Variants in EXPH5 observed in about 807,000 individuals in gnomAD.
The protein encoded by EXPH5 is exophilin-5.
In EXPH5, 42 loss-of-function variants were observed where a neutral mutation model predicts 41.1. That is an observed-to-expected ratio of 1.02 (90% CI 0.80 to 1.32). The LOEUF (loss-of-function observed/expected upper bound fraction) is 1.32. Among genes scored for constraint, EXPH5 ranks in the 40% most tolerant of loss-of-function variants. The probability of loss-of-function intolerance (pLI) is 0.00; values close to 1 mark genes in which losing one functional copy is unlikely to be tolerated. For missense variants in EXPH5, 2,298 were observed against 2,314.5 expected, an observed-to-expected ratio of 0.99 and a Z score of 0.15; for synonymous variants, 798 against 833.5, an observed-to-expected ratio of 0.96 and a Z score of 0.73.
chr11:108,579,145 C>G (rs1364650408), intron 1 of EXPH5, among the ~76,000 whole-genome samples: 2 of 151,512 alleles, frequency 1.3e-5, no homozygotes, highest in East Asian at 3.9e-4. Context: ...TGGGTCTGTC[C>G]TATATTGCTT....
chr11:108,515,800 C>T (rs576511941), intron 5 of EXPH5, among the ~76,000 whole-genome samples: 45 of 152,250 alleles, frequency 3.0e-4, no homozygotes, highest in African/African-American at 1.0e-3. Flanking sequence ...GGGCCGGGCA[C>T]GGTGGCTCAT....
At chr11:108,540,425 T>C (rs1004769500) in intron 2 of EXPH5, among the ~76,000 whole-genome samples, 8 of 152,148 alleles carry the variant, frequency 5.3e-5, no homozygotes, top group Non-Finnish European at 5.9e-5. Flanking sequence ...AAGGGAAAAG[T>C]CATCAGGGTA....
chr11:108,605,778 A>T, the EXPH5 span, among the ~76,000 whole-genome samples: 20 of 152,350 alleles, frequency 1.3e-4, 1 homozygote, highest in South Asian at 4.1e-3. Flanking sequence ...ATGATGAATC[A>T]TTCTGAAAAG....
chr11:108,581,722 G>C (rs1337563801), intron 1 of EXPH5, among the ~76,000 whole-genome samples: 1 of 151,970 alleles, frequency 6.6e-6, no homozygotes, highest in East Asian at 1.9e-4. Context: ...CAGGTCCTTT[G>C]AAAACATCAA....
In EXPH5 at chr11:108,520,064, G is replaced by A. The variant is rs114326342; in HGVS notation, c.493-1691C>T. Among the ~76,000 whole-genome samples the A allele has an allele frequency of 2.5e-3, 373 of 152,044 alleles. 2 individuals carry two copies. Among genetic ancestry groups the A allele is most frequent in the African/African-American group, 8.1e-3 (335 of 41,468 alleles). ...GTCCCTGACCCCTGGGCCACAGACC[G>A]GTACTGGTCTGTGGTATGTTAGAAA... On this transcript the variant is annotated intron_variant, in intron 4 of 5. Transcript: ENST00000265843.
intron 1 of EXPH5, among the ~76,000 whole-genome samples, chr11:108,572,562 GATTT>G (rs2094064280): frequency 6.6e-6 from 1 of 152,112 alleles, no homozygotes; most frequent in East Asian, 1.9e-4. Context: ...TTTAGTTATT[GATTT>G]ATTTATTTTG....
At chr11:108,522,119 T>C (rs1053360836) in intron 4 of EXPH5, among the ~76,000 whole-genome samples, 1 of 152,170 alleles carries the variant, frequency 6.6e-6, no homozygotes. Flanking sequence ...ATGTAAATTA[T>C]ATACCTAGCA....
upstream of EXPH5, among the ~76,000 whole-genome samples, chr11:108,595,518 C>T (rs1305747104): frequency 1.1e-4 from 16 of 152,146 alleles, no homozygotes; most frequent in Admixed American, 7.2e-4. Flanking sequence ...AATGGCCAGA[C>T]TGAACAAAAG....
chr11:108,511,703 A>C lies in EXPH5; in HGVS notation c.3804T>G (p.Leu1268=), dbSNP rs749322182. The C allele has an allele frequency of 6.2e-7, 1 of 1,608,130 alleles. No homozygotes were observed. The highest frequency in any genetic ancestry group is 1.7e-5 in the Admixed American group (1 of 58,400). The change falls in exon 6 of 6, where the codon CTT becomes CTG. Residue 1268 remains leucine, a synonymous_variant. Coordinates refer to ENST00000265843, the MANE Select transcript of EXPH5 (RefSeq NM_015065.3). ...RKPSKKFCNL[L]QQYTQNTNLL... ...AATTAGTATTTTGTGTATACTGTTG[A>C]AGGAGGTTACAGAATTTTTTGCTGG...
At position 108,593,752 on chromosome 11, in the gene EXPH5, A is replaced by T; in HGVS notation, c.-216T>A. 1 of 1,536,030 alleles carries T rather than the reference A, an allele frequency of 6.5e-7. No homozygotes were observed. On this transcript the variant is annotated 5_prime_UTR_variant, in exon 1 of 6. Transcript: ENST00000265843. ...ATGACATGTTTCTCTCAACCTGTCC[A>T]ACCGAGATGCAAAGTGAACGGCTAA...
Position 108,512,577 on chromosome 11 carries a change from C to T in EXPH5, c.2930G>A (p.Arg977Lys), listed in dbSNP as rs2093690190. 3.1e-6 allele frequency: 5 copies of T among 1,612,264 alleles called. No homozygotes were observed. The East Asian group carries it at 1.1e-4, about 36-fold the overall frequency. ...FRNERGKGKI[R>K]HHISCIEKLS... is the part of the protein sequence containing the mutation. ...CTTTTCAATACAGGATATATGATGC[C>T]TTATTTTTCCTTTTCCTCTTTCATT... The change falls in exon 6 of 6, where the codon AGG becomes AAG. Residue 977 changes from arginine to lysine, a missense_variant. Transcript: ENST00000265843.
chr11:108,562,917 A>G (rs191478868), intron 1 of EXPH5, among the ~76,000 whole-genome samples: 1 of 152,368 alleles, frequency 6.6e-6, no homozygotes, highest in East Asian at 1.9e-4. Context: ...CAGTAGTCAC[A>G]GGACTAGGAC....
chr11:108,531,315 G>A (rs1356905547), intron 3 of EXPH5, among the ~76,000 whole-genome samples: 2 of 152,176 alleles, frequency 1.3e-5, no homozygotes, highest in Non-Finnish European at 2.9e-5. Flanking sequence ...CATGAGGCCC[G>A]GCGCAGTGGC....
chr11:108,564,716 G>A (rs1298773503), intron 1 of EXPH5, among the ~76,000 whole-genome samples: 1 of 151,964 alleles, frequency 6.6e-6, no homozygotes, highest in African/African-American at 2.4e-5. Context: ...CCTGGAAAAA[G>A]GTTGTATCAA....
chr11:108,534,786 A>T (rs1168971482), intron 3 of EXPH5, among the ~76,000 whole-genome samples: 2 of 152,142 alleles, frequency 1.3e-5, no homozygotes, highest in Non-Finnish European at 2.9e-5. Flanking sequence ...TCCCTGTGTG[A>T]ATTCTAAAGG....
At chr11:108,531,338 TC>T (rs1403514505) in intron 3 of EXPH5, among the ~76,000 whole-genome samples, 1 of 152,206 alleles carries the variant, frequency 6.6e-6, no homozygotes, top group Non-Finnish European at 1.5e-5. Context: ...ACGCCTGTAA[TC>T]CCAGCTGAGG....
intron 4 of EXPH5, among the ~76,000 whole-genome samples, chr11:108,519,760 A>G (rs2093752361): frequency 6.7e-6 from 1 of 150,204 alleles, no homozygotes; most frequent in Non-Finnish European, 1.5e-5. Flanking sequence ...AAAAAAAGAA[A>G]AAAAGAAAAA....
intron 1 of EXPH5, among the ~76,000 whole-genome samples, chr11:108,555,938 G>A (rs540466728): frequency 3.3e-5 from 5 of 152,098 alleles, no homozygotes; most frequent in Non-Finnish European, 7.3e-5. Context: ...GAGAACGGAC[G>A]TATACAAGCC....
chr11:108,547,977 C>T (rs1027135332), intron 1 of EXPH5, among the ~76,000 whole-genome samples: 7 of 151,854 alleles, frequency 4.6e-5, no homozygotes, highest in Non-Finnish European at 8.8e-5. Flanking sequence ...GGCTTGGTGG[C>T]GGGTGCCTGT....
Sources: gnomAD v4.1 joint callset for allele counts (sites outside exome capture counted in the v4.1 genomes callset) on GRCh38, gnomAD v4.1.1 for gene constraint, MANE v1.5 for transcripts, NCBI Gene and HGNC (gene_info 2026-07-23, HGNC 2026-07-21) for gene names.